The following CD200 variants were observed in gnomAD, a reference collection of about 807,000 sequenced individuals.
The protein encoded by CD200 is OX-2 membrane glycoprotein.
CD200 carries 15 observed loss-of-function variants against 30.9 expected under a neutral mutation model. That is an observed-to-expected ratio of 0.49 (90% CI 0.32 to 0.75). The LOEUF is 0.75. Among genes scored for constraint, CD200 ranks in the 30% least tolerant of loss-of-function variants. The pLI is 0.03. For missense variants in CD200, 262 were observed against 324.2 expected, an observed-to-expected ratio of 0.81 and a Z score of 1.47; for synonymous variants, 134 against 126.2, an observed-to-expected ratio of 1.06 and a Z score of -0.41.
intron 2 of CD200, among the ~76,000 whole-genome samples, chr3:112,344,093 A>G (rs949227533): frequency 6.6e-6 from 1 of 152,176 alleles, no homozygotes; most frequent in East Asian, 1.9e-4. Flanking sequence ...AATTTCTACT[A>G]TTCATAATGC....
chr3:112,353,711 CCTTTG>C (rs1380543748), intron 5 of CD200, among the ~76,000 whole-genome samples: 10 of 152,100 alleles, frequency 6.6e-5, no homozygotes, highest in Admixed American at 2.0e-4. Flanking sequence ...GAAATAACAA[CCTTTG>C]CTTTGCTCAG....
chr3:112,333,505 G>T, intron 1 of CD200: 2 of 985,444 alleles, frequency 2.0e-6, no homozygotes, highest in Non-Finnish European at 2.4e-6. Flanking sequence ...GGGGCTCCGG[G>T]GGCTCTTGAT....
intron 5 of CD200, among the ~76,000 whole-genome samples, chr3:112,360,206 T>C (rs1456337532): frequency 6.6e-6 from 1 of 152,162 alleles, no homozygotes; most frequent in African/African-American, 2.4e-5. Flanking sequence ...CATGTGCCTG[T>C]ACTCCCAGCT....
intron 2 of CD200, among the ~76,000 whole-genome samples, chr3:112,343,234 T>C (rs2081308912): frequency 6.6e-6 from 1 of 151,794 alleles, no homozygotes; most frequent in Non-Finnish European, 1.5e-5. Context: ...ATATAGTGTA[T>C]ATAATATAAA....
At chr3:112,334,825 C>T in intron 1 of CD200, among the ~76,000 whole-genome samples, 1 of 152,066 alleles carries the variant, frequency 6.6e-6, no homozygotes, top group East Asian at 1.9e-4. Flanking sequence ...TTGCCTCAAT[C>T]ACTGTGTTTT....
intron 1 of CD200, among the ~76,000 whole-genome samples, chr3:112,339,148 A>G (rs1307782804): frequency 6.6e-6 from 1 of 152,200 alleles, no homozygotes; most frequent in East Asian, 1.9e-4. Flanking sequence ...TTGGAGTATT[A>G]TTTTAATGTA....
At chr3:112,358,001 G>A (rs982791644) in intron 5 of CD200, among the ~76,000 whole-genome samples, 4 of 152,190 alleles carry the variant, frequency 2.6e-5, no homozygotes, top group African/African-American at 9.7e-5. Context: ...TGGGTGGCCA[G>A]AGCCTATGCA....
chr3:112,343,739 T>A (rs894961044), intron 2 of CD200, among the ~76,000 whole-genome samples: 1 of 152,190 alleles, frequency 6.6e-6, no homozygotes, highest in Non-Finnish European at 1.5e-5. Context: ...TATTTCGGAG[T>A]TATGTTGTTA....
intron 5 of CD200, among the ~76,000 whole-genome samples, chr3:112,358,091 C>T (rs13089794): frequency 6.6e-6 from 1 of 152,082 alleles, no homozygotes; most frequent in Non-Finnish European, 1.5e-5. Flanking sequence ...CGCACACACA[C>T]GCACACGCAC....
chr3:112,361,359 G>A (rs935652552), intron 5 of CD200, among the ~76,000 whole-genome samples, 184 bp from the exon 6 acceptor site: 1 of 152,054 alleles, frequency 6.6e-6, no homozygotes, highest in Non-Finnish European at 1.5e-5. Flanking sequence ...TTTTGTTCTT[G>A]TAAAGAGTCA....
chr3:112,340,462 T>C (rs1208427927), intron 1 of CD200, among the ~76,000 whole-genome samples: 1 of 152,210 alleles, frequency 6.6e-6, no homozygotes, highest in East Asian at 1.9e-4. Context: ...TTCAAGGCAG[T>C]CAAATAATGT....
chr3:112,344,876 A>G (rs1208823929), intron 2 of CD200, 86 bp from the exon 3 acceptor site: 2 of 1,018,892 alleles, frequency 2.0e-6, no homozygotes, highest in Non-Finnish European at 2.9e-6. Context: ...TATATTTGAC[A>G]TTGAATATAC....
chr3:112,338,746 A>G (rs531122137), intron 1 of CD200, among the ~76,000 whole-genome samples: 1 of 143,878 alleles, frequency 7.0e-6, no homozygotes, highest in East Asian at 2.3e-4. Flanking sequence ...TGTGAATAGC[A>G]GTTTGGTAAT....
intron 5 of CD200, among the ~76,000 whole-genome samples, chr3:112,361,243 A>G (rs536288228): frequency 6.6e-6 from 1 of 151,792 alleles, no homozygotes; most frequent in South Asian, 2.1e-4. Context: ...ACAAGGTCTT[A>G]CTATGTTGCC....
intron 1 of CD200, among the ~76,000 whole-genome samples, chr3:112,336,202 G>T (rs928281663): frequency 6.6e-6 from 1 of 151,998 alleles, no homozygotes; most frequent in African/African-American, 2.4e-5. Context: ...GAAAGAAAAG[G>T]GCATGTATTG....
intron 4 of CD200, among the ~76,000 whole-genome samples, chr3:112,349,305 T>G (rs2081482521): frequency 6.6e-6 from 1 of 152,224 alleles, no homozygotes; most frequent in Admixed American, 6.5e-5. Context: ...TTCCACAATT[T>G]CCTCAATAAA....
In CD200 at chr3:112,346,093, TG is replaced by T. The variant is rs549684347; in HGVS notation, c.421+806del. Among the ~76,000 whole-genome samples, 88 of 152,320 alleles carry T rather than the reference TG, an allele frequency of 5.8e-4. 1 individual carries two copies. The highest frequency in any genetic ancestry group is 2.1e-3 in the African/African-American group (87 of 41,576). Reference sequence around the variant, plus strand: ...CACAGGGAAGAAAAGGCTTAGTAGATGAGAATGCAAGGGAGATAGGACAATG... The same window carrying T: ...CACAGGGAAGAAAAGGCTTAGTAGATAGAATGCAAGGGAGATAGGACAATG... On this transcript the variant is annotated intron_variant, in intron 3 of 5. Coordinates refer to ENST00000315711, the MANE Select transcript of CD200 (RefSeq NM_005944.7).
chr3:112,334,071 A>G, intron 1 of CD200: 1 of 985,358 alleles, frequency 1.0e-6, no homozygotes, highest in Non-Finnish European at 1.2e-6. Context: ...TTAACAAAGG[A>G]GAATGGTGGT....
rs748598626 is a variant in CD200, at chr3:112,347,697, T to A, written c.561T>A (p.Ser187=). The A allele has an allele frequency of 6.2e-7, 1 of 1,614,040 alleles. No individual in the cohort carries two copies. The highest frequency in any genetic ancestry group is 1.7e-5 in the Admixed American group (1 of 60,006). Residue 187 remains serine, a synonymous_variant, in exon 4 of 6, where the codon TCT becomes TCA. Transcript: ENST00000315711. ...TTGAAAATAGTACAGTGACTCTGTC[T>A]CACCCAAATGGGACCACGTCTGTTA... The part of the protein sequence containing the change: ...SGIENSTVTL[S]HPNGTTSVTS...
Sources: allele counts gnomAD v4.1 joint callset (sites outside exome capture counted in the v4.1 genomes callset), GRCh38; gene constraint gnomAD v4.1.1; transcripts MANE v1.5; gene names NCBI Gene and HGNC (gene_info 2026-07-23, HGNC 2026-07-21).